Variants in KCNT2 observed in about 807,000 individuals in gnomAD.
KCNT2 encodes potassium channel subfamily T member 2.
Under a neutral mutation model 153.8 loss-of-function variants are expected in KCNT2, and 67 were observed. The ratio of observed to expected loss-of-function variants is 0.44; its 90% CI spans 0.36 to 0.53. The LOEUF (loss-of-function observed/expected upper bound fraction) is 0.53. Among genes scored for constraint, KCNT2 ranks in the 20% least tolerant of loss-of-function variants. The pLI is 0.00. For missense variants in KCNT2, 975 were observed against 1,354.8 expected, an observed-to-expected ratio of 0.72 and a Z score of 4.40; for synonymous variants, 500 against 458.8, an observed-to-expected ratio of 1.09 and a Z score of -1.15.
chr1:196,390,403 A>C (rs2148408548), intron 13 of KCNT2, among the ~76,000 whole-genome samples: 1 of 151,680 alleles, frequency 6.6e-6, no homozygotes, highest in South Asian at 2.1e-4. Flanking sequence ...AGAGTAGCAA[A>C]GATAAAATGA....
chr1:196,430,402 CTCTCTT>C (rs1284961666), intron 8 of KCNT2, among the ~76,000 whole-genome samples: 1 of 105,348 alleles, frequency 9.5e-6, no homozygotes, highest in East Asian at 3.1e-4. Flanking sequence ...CTCTCTCTCT[CTCTCTT>C]TCTCTCTCTC....
chr1:196,494,111 C>A (rs986868405), intron 1 of KCNT2, among the ~76,000 whole-genome samples: 25 of 152,138 alleles, frequency 1.6e-4, no homozygotes, highest in African/African-American at 6.0e-4. Context: ...CATACAGAAA[C>A]AAAACTTCAT....
At chr1:196,558,324 G>A (rs1465042372) in intron 1 of KCNT2, among the ~76,000 whole-genome samples, 2 of 151,062 alleles carry the variant, frequency 1.3e-5, no homozygotes, top group African/African-American at 4.8e-5. Flanking sequence ...CATTAATAAG[G>A]TCATAAAGTA....
At chr1:196,545,234 A>G (rs1178074490) in intron 1 of KCNT2, among the ~76,000 whole-genome samples, 1 of 152,094 alleles carries the variant, frequency 6.6e-6, no homozygotes, top group Non-Finnish European at 1.5e-5. Flanking sequence ...CCAGGTTCAG[A>G]TTTATATTTC....
intron 1 of KCNT2, among the ~76,000 whole-genome samples, chr1:196,493,818 A>G (rs1381081051): frequency 1.3e-5 from 2 of 152,182 alleles, no homozygotes; most frequent in African/African-American, 4.8e-5. Flanking sequence ...TCTTCTCTCT[A>G]AAGAATATAT....
At chr1:196,262,552 G>A (rs1323658984) in intron 25 of KCNT2, among the ~76,000 whole-genome samples, 1 of 151,684 alleles carries the variant, frequency 6.6e-6, no homozygotes, top group African/African-American at 2.4e-5. Flanking sequence ...ATACTTGAGG[G>A]ATCATCTAAA....
intron 14 of KCNT2, among the ~76,000 whole-genome samples, chr1:196,349,505 A>G (rs1666435677): frequency 6.6e-6 from 1 of 151,974 alleles, no homozygotes; most frequent in Non-Finnish European, 1.5e-5. Context: ...AGACATGAAA[A>G]TGTTTTTCGG....
At chr1:196,592,417 G>GAT (rs1018710148) in intron 1 of KCNT2, among the ~76,000 whole-genome samples, 7 of 147,202 alleles carry the variant, frequency 4.8e-5, no homozygotes, top group South Asian at 4.3e-4. Context: ...AGATAAAAAA[G>GAT]ATATATATAT....
intron 1 of KCNT2, among the ~76,000 whole-genome samples, chr1:196,547,754 T>A (rs2148888980): frequency 6.6e-6 from 1 of 152,044 alleles, no homozygotes; most frequent in South Asian, 2.1e-4. Flanking sequence ...ATTTATATTT[T>A]TCTGTATTTT....
chr1:196,234,485 T>A (rs1654243822), intron 27 of KCNT2, among the ~76,000 whole-genome samples: 1 of 151,374 alleles, frequency 6.6e-6, no homozygotes, highest in Non-Finnish European at 1.5e-5. Context: ...TTACAATGCT[T>A]TATCTTGATG....
chr1:196,567,205 C>T (rs1000976650), intron 1 of KCNT2, among the ~76,000 whole-genome samples: 1 of 151,814 alleles, frequency 6.6e-6, no homozygotes, highest in Non-Finnish European at 1.5e-5. Flanking sequence ...TCTACTTGAA[C>T]GTTAATGTTT....
At chr1:196,293,866 A>C (rs375984208) in intron 22 of KCNT2, among the ~76,000 whole-genome samples, 7,600 of 151,546 alleles carry the variant, frequency 0.05, 288 homozygotes, top group Non-Finnish European at 0.074. Context: ...AGTCAAAAAA[A>C]AAAAAAACAA....
At chr1:196,432,215 C>T (rs1042272712) in intron 8 of KCNT2, among the ~76,000 whole-genome samples, 8 of 152,116 alleles carry the variant, frequency 5.3e-5, no homozygotes, top group Admixed American at 1.3e-4. Flanking sequence ...GCAAAGAGCA[C>T]AAGCTGTGAA....
chr1:196,256,005 T>C (rs1288612135), intron 26 of KCNT2, among the ~76,000 whole-genome samples: 7 of 151,960 alleles, frequency 4.6e-5, no homozygotes, highest in Middle Eastern at 3.2e-3. Flanking sequence ...CATAACTTTG[T>C]TTTAATCTCT....
At chr1:196,404,568 T>C (rs2148460263) in intron 12 of KCNT2, among the ~76,000 whole-genome samples, 1 of 151,738 alleles carries the variant, frequency 6.6e-6, no homozygotes, top group South Asian at 2.1e-4. Flanking sequence ...ACATTCTTTA[T>C]GGGCTCAGCC....
chr1:196,544,706 A>G lies in KCNT2; in HGVS notation c.96-52365T>C, dbSNP rs1040757902. Among the ~76,000 whole-genome samples the G allele has an allele frequency of 2.0e-5, 3 of 152,100 alleles. No individual in the cohort carries two copies. The South Asian group carries it at 6.2e-4, about 32-fold the overall frequency. The stretch of plus-strand genomic sequence containing the variant: ...TGGTGACTTTCTTTGGTATGATTCC[A>G]TATTCTCACTAAGCAGGCTTTTCAT... On this transcript the variant is annotated intron_variant, in intron 1 of 27. Transcript: ENST00000294725.
intron 25 of KCNT2, among the ~76,000 whole-genome samples, chr1:196,277,202 T>C (rs1219818343): frequency 6.6e-6 from 1 of 152,156 alleles, no homozygotes; most frequent in Non-Finnish European, 1.5e-5. Context: ...ATAAGCTTTT[T>C]CACTTCTGTT....
chr1:196,347,600 T>C (rs922674866), intron 14 of KCNT2, among the ~76,000 whole-genome samples: 3 of 152,214 alleles, frequency 2.0e-5, no homozygotes, highest in African/African-American at 7.2e-5. Context: ...CACTCTGCCA[T>C]TGAAAATGCT....
chr1:196,446,668 A>G (rs2148605279), intron 8 of KCNT2, among the ~76,000 whole-genome samples: 1 of 151,708 alleles, frequency 6.6e-6, no homozygotes, highest in East Asian at 1.9e-4. Context: ...TCAATTAGGA[A>G]GAGAGCCAGT....
Sources: gnomAD v4.1 joint callset for allele counts (sites outside exome capture counted in the v4.1 genomes callset) on GRCh38, gnomAD v4.1.1 for gene constraint, MANE v1.5 for transcripts, NCBI Gene and HGNC (gene_info 2026-07-23, HGNC 2026-07-21) for gene names.